The following PDSS1 variants were observed in gnomAD, a reference collection of about 807,000 sequenced individuals.
The protein encoded by PDSS1 is decaprenyl diphosphate synthase subunit 1, also known as all trans-polyprenyl-diphosphate synthase PDSS1.
Under a neutral mutation model 57.5 loss-of-function variants are expected in PDSS1, and 43 were observed. The observed-to-expected ratio is 0.75, with a 90% CI of 0.59 to 0.96. PDSS1 has a LOEUF of 0.96. Ranked by LOEUF, PDSS1 falls within the 50% of genes least tolerant of loss-of-function variation. The pLI, the probability that PDSS1 is intolerant of heterozygous loss-of-function variation, is 0.00. For synonymous variants in PDSS1, 175 were observed against 191.3 expected (o/e 0.91, Z 0.70); for missense variants, 438 against 527.8 (o/e 0.83, Z 1.67).
intron 1 of PDSS1, among the ~76,000 whole-genome samples, chr10:26,700,794 C>A (rs1449618035): frequency 6.6e-6 from 1 of 152,054 alleles, no homozygotes; most frequent in Non-Finnish European, 1.5e-5. Context: ...TGGGTAATTT[C>A]TTTATAGCAG....
intron 8 of PDSS1, among the ~76,000 whole-genome samples, chr10:26,728,054 G>A (rs1033295770): frequency 1.2e-4 from 19 of 152,130 alleles, no homozygotes; most frequent in Non-Finnish European, 1.0e-4. Context: ...TGCCTGGATC[G>A]CTTGATTAGG....
chr10:26,727,993 C>G (rs889804157), intron 8 of PDSS1, among the ~76,000 whole-genome samples: 1 of 152,186 alleles, frequency 6.6e-6, no homozygotes, highest in Non-Finnish European at 1.5e-5. Context: ...TCCTCAGCTC[C>G]TCATACCAGG....
intron 10 of PDSS1, among the ~76,000 whole-genome samples, chr10:26,737,749 AAAG>A (rs1836453936): frequency 2.8e-5 from 4 of 145,086 alleles, no homozygotes; most frequent in African/African-American, 1.0e-4. Context: ...AAAAAAAAAA[AAAG>A]GCTGGTTAAA....
intron 10 of PDSS1, among the ~76,000 whole-genome samples, chr10:26,741,843 T>C (rs116406094): frequency 6.2e-4 from 94 of 152,290 alleles, no homozygotes; most frequent in African/African-American, 2.1e-3. Context: ...GTACAGGTGA[T>C]CCTGATACGA....
At chr10:26,698,783 T>C (rs959704414) in intron 1 of PDSS1, among the ~76,000 whole-genome samples, 5 of 152,226 alleles carry the variant, frequency 3.3e-5, no homozygotes, top group African/African-American at 1.2e-4. Flanking sequence ...ATAACACTTA[T>C]AAATATCTAC....
intron 8 of PDSS1, among the ~76,000 whole-genome samples, chr10:26,727,862 G>GC (rs1836012134): frequency 6.6e-6 from 1 of 152,072 alleles, no homozygotes; most frequent in Non-Finnish European, 1.5e-5. Context: ...TCATTACCTT[G>GC]GTATTTGGAA....
chr10:26,698,345 G>A (rs765973068), intron 1 of PDSS1, among the ~76,000 whole-genome samples: 2 of 152,132 alleles, frequency 1.3e-5, no homozygotes, highest in Non-Finnish European at 2.9e-5. Flanking sequence ...CTGGTGCTAG[G>A]GTGGACCGGA....
Position 26,746,324 on chromosome 10 carries a change from A to ATCTT in PDSS1, c.1108-8_1108-5dup. 1.9e-6 allele frequency: 3 copies of ATCTT among 1,614,034 alleles called. No individual in the cohort carries two copies. In the South Asian group the frequency reaches 3.3e-5, roughly 18 times the overall value. On this transcript the variant is annotated splice_polypyrimidine_tract_variant and intron_variant, in intron 11 of 11. Transcript: ENST00000376215. The stretch of plus-strand genomic sequence containing the variant: ...AGGCATCTGTTCTGTTTTGTTCTGT[A>ATCTT]TCTTATAGAGTGATGGTGTGCAACA...
intron 4 of PDSS1, among the ~76,000 whole-genome samples, chr10:26,708,542 G>A (rs1588673988): frequency 6.6e-6 from 1 of 152,144 alleles, no homozygotes; most frequent in African/African-American, 2.4e-5. Context: ...TTTGCAAAAT[G>A]TTTCTCTCCC....
At chr10:26,731,782 C>T (rs1415645187) in intron 8 of PDSS1, among the ~76,000 whole-genome samples, 1 of 152,156 alleles carries the variant, frequency 6.6e-6, no homozygotes, top group African/African-American at 2.4e-5. Context: ...TTTTCAGATG[C>T]TTAAGGGCCA....
At chr10:26,717,466 A>G (rs1455202380) in intron 5 of PDSS1, among the ~76,000 whole-genome samples, 1 of 152,234 alleles carries the variant, frequency 6.6e-6, no homozygotes, top group African/African-American at 2.4e-5. Flanking sequence ...TCCTGACCTC[A>G]GGTGATCCTC....
At chr10:26,707,236 A>G (rs1045344249) in intron 4 of PDSS1, among the ~76,000 whole-genome samples, 6 of 152,142 alleles carry the variant, frequency 3.9e-5, no homozygotes, top group South Asian at 2.1e-4. Context: ...ACATACACCA[A>G]TTAAGCTCTG....
chr10:26,737,344 C>T (rs1254519454), intron 10 of PDSS1, among the ~76,000 whole-genome samples: 2 of 152,272 alleles, frequency 1.3e-5, no homozygotes, highest in African/African-American at 2.4e-5. Flanking sequence ...CTTTCCCCTA[C>T]ACACACAAAG....
intron 1 of PDSS1, among the ~76,000 whole-genome samples, chr10:26,700,317 T>G (rs1315126015): frequency 1.4e-5 from 2 of 139,230 alleles, no homozygotes; most frequent in Non-Finnish European, 3.1e-5. Context: ...CAGCACTTTC[T>G]CTTTAGCTGA....
At chr10:26,700,868 A>G (rs1835031925) in intron 1 of PDSS1, among the ~76,000 whole-genome samples, 1 of 152,146 alleles carries the variant, frequency 6.6e-6, no homozygotes, top group African/African-American at 2.4e-5. Flanking sequence ...AAGATACCTG[A>G]GAATGTGGAA....
At chr10:26,722,939 T>C (rs1277621119) in intron 6 of PDSS1, among the ~76,000 whole-genome samples, 2 of 149,908 alleles carry the variant, frequency 1.3e-5, no homozygotes, top group African/African-American at 4.9e-5. Context: ...CAGTGTCACA[T>C]AGTACAAAAA....
intron 10 of PDSS1, among the ~76,000 whole-genome samples, chr10:26,741,916 C>T (rs1836626397): frequency 6.6e-6 from 1 of 152,058 alleles, no homozygotes; most frequent in Non-Finnish European, 1.5e-5. Context: ...CACTCGTTGT[C>T]CAAGGTAGAG....
At chr10:26,728,429 G>T (rs1836039301) in intron 8 of PDSS1, among the ~76,000 whole-genome samples, 1 of 151,938 alleles carries the variant, frequency 6.6e-6, no homozygotes, top group South Asian at 2.1e-4. Context: ...GGCGGAGGTT[G>T]CAGTGAGCCG....
At chr10:26,740,160 T>A (rs1263530720) in intron 10 of PDSS1, among the ~76,000 whole-genome samples, 11 of 144,018 alleles carry the variant, frequency 7.6e-5, no homozygotes, top group African/African-American at 2.7e-4. Flanking sequence ...AAAAAAAAAA[T>A]TAAAAAATTA....
Sources: allele counts gnomAD v4.1 joint callset (sites outside exome capture counted in the v4.1 genomes callset), GRCh38; gene constraint gnomAD v4.1.1; transcripts MANE v1.5; gene names NCBI Gene and HGNC (gene_info 2026-07-23, HGNC 2026-07-21).